The following UBE2E2 variants were observed in gnomAD, a reference collection of about 807,000 sequenced individuals.
UBE2E2 encodes the protein ubiquitin-conjugating enzyme E2 E2.
A neutral mutation model predicts 24.7 loss-of-function variants in UBE2E2; 6 were observed. The ratio of observed to expected loss-of-function variants is 0.24; its 90% CI spans 0.13 to 0.48. The LOEUF is 0.48. Ranked by LOEUF, UBE2E2 falls within the 20% of genes least tolerant of loss-of-function variation. The pLI, the probability that UBE2E2 is intolerant of heterozygous loss-of-function variation, is 0.99. For missense variants in UBE2E2, 169 were observed against 245.0 expected (o/e 0.69, Z 2.07); for synonymous variants, 104 against 83.6 (o/e 1.24, Z -1.33).
At chr3:23,211,113 A>C (rs1696310498) in intron 2 of UBE2E2, among the ~76,000 whole-genome samples, 1 of 152,096 alleles carries the variant, frequency 6.6e-6, no homozygotes, top group Non-Finnish European at 1.5e-5. Flanking sequence ...GAGTACAGTC[A>C]CAGTATTTAT....
At chr3:23,446,926 C>A (rs548000317) in intron 3 of UBE2E2, among the ~76,000 whole-genome samples, 1 of 152,076 alleles carries the variant, frequency 6.6e-6, no homozygotes, top group African/African-American at 2.4e-5. Context: ...GTTTAGAACT[C>A]AATTGTAATA....
chr3:23,575,170 A>G (rs1241905551), intron 5 of UBE2E2, among the ~76,000 whole-genome samples: 3 of 152,182 alleles, frequency 2.0e-5, no homozygotes, highest in Non-Finnish European at 2.9e-5. Context: ...TCCTTCATAT[A>G]TTATGTAGTT....
At chr3:23,290,145 C>T (rs1157893965) in intron 3 of UBE2E2, among the ~76,000 whole-genome samples, 2 of 152,356 alleles carry the variant, frequency 1.3e-5, no homozygotes, top group African/African-American at 2.4e-5. Flanking sequence ...CACACACATA[C>T]GCACACATGC....
chr3:23,260,885 C>A (rs549632514), intron 3 of UBE2E2, among the ~76,000 whole-genome samples: 39 of 152,062 alleles, frequency 2.6e-4, no homozygotes, highest in Non-Finnish European at 5.6e-4. Flanking sequence ...GTGGGCGGAT[C>A]ACTTGCCAAG....
intron 3 of UBE2E2, among the ~76,000 whole-genome samples, chr3:23,222,489 C>A (rs550541949): frequency 2.6e-5 from 4 of 152,078 alleles, no homozygotes; most frequent in Non-Finnish European, 5.9e-5. Context: ...CCATACTGTT[C>A]TTGTGGTAAT....
intron 3 of UBE2E2, among the ~76,000 whole-genome samples, chr3:23,418,194 C>T (rs566582686): frequency 6.6e-6 from 1 of 152,248 alleles, no homozygotes; most frequent in African/African-American, 2.4e-5. Flanking sequence ...GCGTAGGCAC[C>T]CGAGGGAATC....
At chr3:23,345,372 A>G (rs1221789846) in intron 3 of UBE2E2, among the ~76,000 whole-genome samples, 1 of 152,252 alleles carries the variant, frequency 6.6e-6, no homozygotes, top group Non-Finnish European at 1.5e-5. Context: ...TACAGAATAT[A>G]GCAGTTTTCA....
Position 23,589,675 on chromosome 3 carries a change from AAC to A in UBE2E2, c.509-56_509-55del. 2 of 1,577,132 alleles carry A rather than the reference AAC, an allele frequency of 1.3e-6. No homozygotes were observed. Among genetic ancestry groups the A allele is most frequent in the East Asian group, 2.2e-5 (1 of 44,456 alleles). Reference sequence around the variant, plus strand: ...CCTCCCACTCCTTGCCAGCTTTCTGAACACTTCTTCCCCCACAGTGCTGGTAT... The same window carrying A: ...CCTCCCACTCCTTGCCAGCTTTCTGAACTTCTTCCCCCACAGTGCTGGTAT... On this transcript the variant is annotated intron_variant, in intron 5 of 5. Transcript: ENST00000396703. This position sits in a 1 kb window ranked among gnomAD's most constrained non-coding sequence, Gnocchi z 4.1.
intron 3 of UBE2E2, among the ~76,000 whole-genome samples, chr3:23,416,809 T>G (rs1206448066): frequency 6.6e-6 from 1 of 152,180 alleles, no homozygotes; most frequent in African/African-American, 2.4e-5. Flanking sequence ...TGATCAGCAG[T>G]CTCTGATATC....
chr3:23,467,138 C>T (rs1575649272), intron 3 of UBE2E2, among the ~76,000 whole-genome samples: 1 of 152,136 alleles, frequency 6.6e-6, no homozygotes. Flanking sequence ...TTAAATATGA[C>T]ATGTATGTTT....
intron 5 of UBE2E2, among the ~76,000 whole-genome samples, chr3:23,551,944 G>C (rs1203634870): frequency 6.6e-6 from 1 of 152,144 alleles, no homozygotes; most frequent in Non-Finnish European, 1.5e-5. Flanking sequence ...GTGGAACCCT[G>C]ATCCAATGGG....
chr3:23,229,591 C>T (rs924835234), intron 3 of UBE2E2, among the ~76,000 whole-genome samples: 4 of 152,196 alleles, frequency 2.6e-5, no homozygotes, highest in Admixed American at 6.5e-5. Flanking sequence ...GGTCACATAG[C>T]AAGTAAATGG....
At chr3:23,288,073 C>G (rs1204229937) in intron 3 of UBE2E2, among the ~76,000 whole-genome samples, 1 of 151,980 alleles carries the variant, frequency 6.6e-6, no homozygotes, top group Non-Finnish European at 1.5e-5. Context: ...GTATAAGCAT[C>G]TGTCTTAGTA....
At chr3:23,327,062 C>T (rs1337055613) in intron 3 of UBE2E2, among the ~76,000 whole-genome samples, 2 of 152,180 alleles carry the variant, frequency 1.3e-5, no homozygotes, top group Non-Finnish European at 2.9e-5. Flanking sequence ...TTTTCTTAAT[C>T]CAGTCTGTCA....
At chr3:23,361,520 C>A (rs1696113484) in intron 3 of UBE2E2, among the ~76,000 whole-genome samples, 2 of 152,176 alleles carry the variant, frequency 1.3e-5, no homozygotes, top group Admixed American at 1.3e-4. Flanking sequence ...GAAGTATGTT[C>A]TTTGCAGCAA....
intron 3 of UBE2E2, among the ~76,000 whole-genome samples, chr3:23,426,282 G>A (rs2359765): frequency 0.16 from 23,820 of 151,940 alleles, 2,075 homozygotes; most frequent in South Asian, 0.24. Flanking sequence ...TATGCATGAT[G>A]AGAATACCAA....
intron 3 of UBE2E2, among the ~76,000 whole-genome samples, chr3:23,228,277 G>A (rs150513849): frequency 1.5e-3 from 221 of 152,062 alleles, no homozygotes; most frequent in African/African-American, 5.0e-3. Flanking sequence ...CTTTAAAAAC[G>A]ATAAAATAAT....
At chr3:23,461,442 T>C (rs1698803006) in intron 3 of UBE2E2, among the ~76,000 whole-genome samples, 2 of 152,146 alleles carry the variant, frequency 1.3e-5, no homozygotes, top group South Asian at 4.2e-4. Context: ...ATCCTATTCT[T>C]GACTCTTGAC....
At chr3:23,370,094 T>C (rs1391622220) in intron 3 of UBE2E2, among the ~76,000 whole-genome samples, 1 of 152,208 alleles carries the variant, frequency 6.6e-6, no homozygotes, top group East Asian at 1.9e-4. Flanking sequence ...TTCTGCTCTG[T>C]TGCATGTTTG....
Sources: allele counts gnomAD v4.1 joint callset (sites outside exome capture counted in the v4.1 genomes callset), GRCh38; gene constraint gnomAD v4.1.1; non-coding constraint Gnocchi (gnomAD v3.1); transcripts MANE v1.5; gene names NCBI Gene and HGNC (gene_info 2026-07-23, HGNC 2026-07-21).